NEBL: variants seen among roughly 807,000 people sequenced by gnomAD.
The protein encoded by NEBL is LIM and SH3 protein 2.
A neutral mutation model predicts 140.2 loss-of-function variants in NEBL; 122 were observed. The ratio of observed to expected loss-of-function variants is 0.87; its 90% CI spans 0.75 to 1.01. The LOEUF (loss-of-function observed/expected upper bound fraction) is 1.01. Ranked by LOEUF, NEBL falls within the 50% of genes least tolerant of loss-of-function variation. The pLI is 0.00. For synonymous variants in NEBL, 436 were observed against 398.9 expected, an observed-to-expected ratio of 1.09 and a Z score of -1.11; for missense variants, 1,365 against 1,231.3, an observed-to-expected ratio of 1.11 and a Z score of -1.62.
chr10:21,244,954 C>T (rs72793015), intron 3 of NEBL, among the ~76,000 whole-genome samples: 5,337 of 147,840 alleles, frequency 0.036, 140 homozygotes, highest in South Asian at 0.11. Flanking sequence ...CCCATGAATT[C>T]GAGACCAGCC....
intron 4 of NEBL, among the ~76,000 whole-genome samples, chr10:20,927,280 A>C (rs1369446111): frequency 1.3e-5 from 2 of 152,270 alleles, no homozygotes; most frequent in East Asian, 3.8e-4. Context: ...TCAACCCTTT[A>C]AAATTTATAT....
chr10:21,196,987 G>A (rs918529318), intron 3 of NEBL, among the ~76,000 whole-genome samples: 3 of 152,044 alleles, frequency 2.0e-5, no homozygotes, highest in Admixed American at 6.6e-5. Flanking sequence ...ATGTTATTTC[G>A]TTTTCTCACA....
At chr10:21,283,820 C>T (rs565679802) in intron 1 of NEBL, among the ~76,000 whole-genome samples, 16 of 152,088 alleles carry the variant, frequency 1.1e-4, no homozygotes, top group Non-Finnish European at 2.2e-4. Flanking sequence ...AGCTGAATTT[C>T]TTTTCAGGGC....
chr10:21,202,280 A>G (rs910643721), intron 3 of NEBL, among the ~76,000 whole-genome samples: 5 of 152,072 alleles, frequency 3.3e-5, no homozygotes, highest in Non-Finnish European at 5.9e-5. Flanking sequence ...TATATATGCA[A>G]GCTACTTTTA....
At chr10:21,248,066 C>A (rs1184293807) in intron 2 of NEBL, 1 of 229,788 alleles carries the variant, frequency 4.4e-6, no homozygotes, top group Non-Finnish European at 9.9e-6. Flanking sequence ...TGGACGGCAC[C>A]CTTTAAATGG....
intron 14 of NEBL, among the ~76,000 whole-genome samples, chr10:20,832,024 C>G (rs528498299): frequency 6.6e-6 from 1 of 152,252 alleles, no homozygotes; most frequent in South Asian, 2.1e-4. Context: ...CACTAGACAA[C>G]TCAATGTTCC....
At chr10:20,935,309 A>G (rs1834420429) in intron 4 of NEBL, among the ~76,000 whole-genome samples, 1 of 152,236 alleles carries the variant, frequency 6.6e-6, no homozygotes, top group Admixed American at 6.5e-5. Context: ...GAAATTTTGA[A>G]TCTTCTCAAG....
intron 3 of NEBL, among the ~76,000 whole-genome samples, chr10:21,239,638 C>A (rs770144712): frequency 6.6e-6 from 1 of 152,150 alleles, no homozygotes; most frequent in Non-Finnish European, 1.5e-5. Context: ...ACATTCGGGG[C>A]CTTGACCCTT....
At chr10:20,820,690 T>A (rs1839222209) in intron 19 of NEBL, among the ~76,000 whole-genome samples, 1 of 152,110 alleles carries the variant, frequency 6.6e-6, no homozygotes, top group African/African-American at 2.4e-5. Flanking sequence ...CCAGGCATGG[T>A]GGTTTGCATC....
At chr10:21,159,048 C>G (rs1310653918) in intron 2 of NEBL, among the ~76,000 whole-genome samples, 2 of 152,210 alleles carry the variant, frequency 1.3e-5, no homozygotes, top group African/African-American at 2.4e-5. Context: ...ATCTTTTAAA[C>G]TGTGTGTTAG....
At position 20,808,605 on chromosome 10, in the gene NEBL, A is replaced by C; in HGVS notation, c.2666T>G (p.Phe889Cys). Residue 889 changes from phenylalanine (F) to cysteine (C), a missense_variant, in exon 26 of 28, where the codon TTC becomes TGC. This residue lies in a region of NEBL where 1,323 missense variants were observed against 1,154.8 expected (regional missense o/e 1.15). Transcript: ENST00000377122. ...CCTGTCGTCTCCGAGACCTGTACCGAAAGTACTGCTGGAATGGGATCGAGA... is the reference window on the plus strand; with the variant it reads ...CCTGTCGTCTCCGAGACCTGTACCGCAAGTACTGCTGGAATGGGATCGAGA... ...HWSRSHSSSTFGTGLGDDRSE... is the reference protein window; with the variant it reads ...HWSRSHSSSTCGTGLGDDRSE... The C allele has an allele frequency of 6.2e-7, 1 of 1,613,564 alleles. No individual in the cohort carries two copies. Among genetic ancestry groups the C allele is most frequent in the Non-Finnish European group, 8.5e-7 (1 of 1,179,522 alleles).
chr10:21,037,892 A>T (rs1332543619), intron 2 of NEBL, among the ~76,000 whole-genome samples: 1 of 152,198 alleles, frequency 6.6e-6, no homozygotes, highest in Non-Finnish European at 1.5e-5. Context: ...TTCAGAAACA[A>T]GAAAGGGAGT....
At chr10:21,243,648 T>A (rs1286008356) in intron 3 of NEBL, among the ~76,000 whole-genome samples, 1 of 152,132 alleles carries the variant, frequency 6.6e-6, no homozygotes, top group African/African-American at 2.4e-5. Flanking sequence ...TCACAAGCAT[T>A]ATTTCTTTAA....
chr10:21,107,178 T>C (rs567931754), intron 2 of NEBL, among the ~76,000 whole-genome samples: 2 of 152,348 alleles, frequency 1.3e-5, no homozygotes, highest in East Asian at 1.9e-4. Flanking sequence ...CTTTATTTCT[T>C]TCTCTTGCCT....
intron 4 of NEBL, among the ~76,000 whole-genome samples, chr10:20,918,907 A>G (rs1379151443): frequency 3.3e-5 from 5 of 152,042 alleles, no homozygotes; most frequent in Non-Finnish European, 7.4e-5. Context: ...TTCTCTTAAA[A>G]TCGTTCCCAC....
intron 2 of NEBL, among the ~76,000 whole-genome samples, chr10:21,129,124 C>T (rs72796576): frequency 0.013 from 1,929 of 152,066 alleles, 14 homozygotes; most frequent in Non-Finnish European, 0.02. Flanking sequence ...GAATTTGTTG[C>T]CAATACACCT....
chr10:20,793,227 T>C (rs1836172626), intron 26 of NEBL: 1 of 409,436 alleles, frequency 2.4e-6, no homozygotes, highest in Non-Finnish European at 3.3e-6. Context: ...AAGTGCTCTA[T>C]AATTGAGTTA....
intron 12 of NEBL, 48 bp from the exon 13 acceptor site, chr10:20,840,897 A>G: frequency 9.4e-7 from 1 of 1,064,460 alleles, no homozygotes; most frequent in Non-Finnish European, 1.4e-6. Flanking sequence ...GAATCACTTT[A>G]TTCAGTGTGC....
rs571274283 is a variant in NEBL at position 20,885,696 on chromosome 10, T to C, written c.369+2401A>G. ...GAAAAGTTACCTTCCCAAGGAAGTATAAAAGCAATAATAGATTGTTTTCCT... is the reference window on the plus strand; with the variant it reads ...GAAAAGTTACCTTCCCAAGGAAGTACAAAAGCAATAATAGATTGTTTTCCT... On this transcript the variant is annotated intron_variant, in intron 4 of 27. Transcript: ENST00000377122. Among the ~76,000 whole-genome samples the C allele has an allele frequency of 2.0e-5, 3 of 152,364 alleles. No homozygotes were observed. In the East Asian group the frequency reaches 5.8e-4, roughly 29 times the overall value.
Sources: gnomAD v4.1 joint callset for allele counts (sites outside exome capture counted in the v4.1 genomes callset) on GRCh38, gnomAD v4.1.1 for gene constraint, gnomAD v4.1.1 regional missense constraint, MANE v1.5 for transcripts, NCBI Gene and HGNC (gene_info 2026-07-23, HGNC 2026-07-21) for gene names.